The following SND1 variants were observed in gnomAD, a reference collection of about 807,000 sequenced individuals.
SND1 encodes the protein staphylococcal nuclease and tudor domain containing 1.
A neutral mutation model predicts 121.7 loss-of-function variants in SND1; 38 were observed. The observed-to-expected ratio is 0.31, with a 90% CI of 0.24 to 0.41. The LOEUF is 0.41. Ranked by LOEUF, SND1 falls within the 10% of genes least tolerant of loss-of-function variation. The pLI is 1.00. For synonymous variants in SND1, 401 were observed against 447.4 expected (o/e 0.90, Z 1.31); for missense variants, 868 against 1,184.6 (o/e 0.73, Z 3.92).
intron 16 of SND1, among the ~76,000 whole-genome samples, chr7:128,013,253 T>C (rs1803153952): frequency 6.6e-6 from 1 of 152,158 alleles, no homozygotes; most frequent in African/African-American, 2.4e-5. Context: ...TCCCCCTTTA[T>C]ATACCTCCAC....
intron 10 of SND1, among the ~76,000 whole-genome samples, chr7:127,744,539 T>C (rs770095706): frequency 3.3e-5 from 5 of 152,214 alleles, no homozygotes; most frequent in Non-Finnish European, 7.3e-5. Flanking sequence ...GCCTATTCTG[T>C]ATAAGAGACA....
chr7:127,653,702 A>ATGTGTG (rs1795163093), intron 1 of SND1, among the ~76,000 whole-genome samples: 1 of 152,160 alleles, frequency 6.6e-6, no homozygotes, highest in Non-Finnish European at 1.5e-5. Flanking sequence ...TCTGCAGCTT[A>ATGTGTG]TGTGTGTGTA....
intron 16 of SND1, chr7:128,031,063 G>A (rs1018380223): frequency 2.0e-5 from 3 of 151,678 alleles, no homozygotes; most frequent in Non-Finnish European, 2.9e-5. Context: ...GGGAGGGGAG[G>A]GGAGGGAAGG....
chr7:127,745,836 A>G (rs1796972051), intron 10 of SND1, among the ~76,000 whole-genome samples: 1 of 152,190 alleles, frequency 6.6e-6, no homozygotes, highest in Non-Finnish European at 1.5e-5. Context: ...AATACTGACT[A>G]TAAACAATAG....
At chr7:127,995,161 G>C (rs1802618759) in intron 16 of SND1, among the ~76,000 whole-genome samples, 1 of 152,208 alleles carries the variant, frequency 6.6e-6, no homozygotes, top group African/African-American at 2.4e-5. Flanking sequence ...AAAGTTTGCT[G>C]ACTACTGCTG....
chr7:127,654,509 G>A lies in SND1; in HGVS notation c.78+2058G>A, dbSNP rs141749442. On this transcript the variant is annotated intron_variant, in intron 1 of 23. Transcript: ENST00000354725. ...CAGGGTATTAATTTATAACATGGAG[G>A]GTGGGGCCAGTGATGCATAACCACA... Among the ~76,000 whole-genome samples, 357 of 152,248 alleles carry A rather than the reference G, an allele frequency of 2.3e-3. 1 individual carries two copies. The highest frequency in any genetic ancestry group is 8.3e-3 in the African/African-American group (345 of 41,538).
intron 10 of SND1, among the ~76,000 whole-genome samples, chr7:127,773,312 T>TCCAC (rs139547959): frequency 0.017 from 2,609 of 152,048 alleles, 75 homozygotes; most frequent in African/African-American, 0.059. Context: ...ATTAGCAAGG[T>TCCAC]GTGGTGGCGC....
At chr7:128,040,679 G>A (rs1337296646) in intron 16 of SND1, among the ~76,000 whole-genome samples, 1 of 152,168 alleles carries the variant, frequency 6.6e-6, no homozygotes. Context: ...CTTTCTCCAT[G>A]TTTTTAATCT....
intron 11 of SND1, among the ~76,000 whole-genome samples, chr7:127,817,837 T>G (rs1483962081): frequency 6.6e-6 from 1 of 151,652 alleles, no homozygotes; most frequent in African/African-American, 2.4e-5. Flanking sequence ...TGTGACCCTT[T>G]CTGTTGTAGT....
intron 12 of SND1, among the ~76,000 whole-genome samples, chr7:127,875,950 T>G (rs535783081): frequency 1.1e-4 from 16 of 152,246 alleles, no homozygotes; most frequent in Middle Eastern, 3.4e-3. Flanking sequence ...AACCTTTCTG[T>G]GCTTCAGGTT....
At chr7:127,995,826 TCA>T (rs2116923840) in intron 16 of SND1, among the ~76,000 whole-genome samples, 1 of 152,320 alleles carries the variant, frequency 6.6e-6, no homozygotes, top group South Asian at 2.1e-4. Context: ...TTAACTGTCT[TCA>T]CAGTTCCAGG....
At chr7:127,822,335 C>T (rs867064461) in intron 11 of SND1, among the ~76,000 whole-genome samples, 115 of 152,300 alleles carry the variant, frequency 7.6e-4, no homozygotes, top group African/African-American at 2.5e-3. Context: ...TATGTGCTTA[C>T]AAGTAGTAAA....
intron 11 of SND1, 27 bp downstream of exon 11, chr7:127,807,600 T>A (rs1478584517): frequency 6.4e-7 from 1 of 1,567,546 alleles, no homozygotes; most frequent in South Asian, 1.1e-5. Flanking sequence ...AGAAGCATAT[T>A]TGCAAGTGGT....
intron 8 of SND1, among the ~76,000 whole-genome samples, chr7:127,705,932 T>A (rs927329313): frequency 1.6e-4 from 25 of 152,214 alleles, no homozygotes; most frequent in African/African-American, 4.6e-4. Flanking sequence ...TTCTTAGGTC[T>A]TTTTCATCCT....
chr7:128,091,081 T>C (rs764007864), intron 22 of SND1, among the ~76,000 whole-genome samples: 4 of 152,196 alleles, frequency 2.6e-5, no homozygotes, highest in African/African-American at 9.7e-5. Context: ...CTGAGAAGCT[T>C]ACATTCAAGC....
chr7:128,080,550 A>G (rs1343935854), intron 17 of SND1, among the ~76,000 whole-genome samples: 2 of 152,228 alleles, frequency 1.3e-5, no homozygotes, highest in Non-Finnish European at 1.5e-5. Flanking sequence ...CAGGAGCACC[A>G]GGAGCCCTGT....
intron 16 of SND1, among the ~76,000 whole-genome samples, chr7:128,043,883 C>T (rs1286220534): frequency 6.9e-6 from 1 of 144,000 alleles, no homozygotes; most frequent in Non-Finnish European, 1.5e-5. Context: ...CACACACACA[C>T]ACACACGTAA....
intron 9 of SND1, chr7:127,718,434 T>G (rs1796426708): frequency 3.6e-6 from 1 of 275,538 alleles, no homozygotes; most frequent in Admixed American, 6.5e-5. Context: ...TGGACAGTAA[T>G]GACACAATTT....
intron 16 of SND1, among the ~76,000 whole-genome samples, chr7:128,008,640 T>A (rs780944522): frequency 1.6e-4 from 25 of 152,236 alleles, no homozygotes; most frequent in Non-Finnish European, 2.8e-4. Flanking sequence ...ATGAGTGCCA[T>A]CCCTTTCCTC....
Sources: allele counts gnomAD v4.1 joint callset (sites outside exome capture counted in the v4.1 genomes callset), GRCh38; gene constraint gnomAD v4.1.1; transcripts MANE v1.5; gene names NCBI Gene and HGNC (gene_info 2026-07-23, HGNC 2026-07-21).